C1orf21: variants seen among roughly 807,000 people sequenced by gnomAD.
C1orf21 encodes the protein uncharacterized protein C1orf21.
A neutral mutation model predicts 18.7 loss-of-function variants in C1orf21; 3 were observed. The ratio of observed to expected loss-of-function variants is 0.16; its 90% CI spans 0.07 to 0.42. The LOEUF is 0.42. Ranked by LOEUF, C1orf21 falls within the 10% of genes least tolerant of loss-of-function variation. C1orf21 has a pLI of 0.99. For synonymous variants in C1orf21, 41 were observed against 46.4 expected (o/e 0.88, Z 0.47); for missense variants, 104 against 143.6 (o/e 0.72, Z 1.41).
chr1:184,457,470 TA>T (rs200272323), intron 1 of C1orf21, among the ~76,000 whole-genome samples: 1,627 of 149,708 alleles, frequency 0.011, 27 homozygotes, highest in African/African-American at 0.037. Context: ...AATATATATA[TA>T]TATTTTTACA....
intron 5 of C1orf21, among the ~76,000 whole-genome samples, chr1:184,616,963 A>G (rs1659836294): frequency 6.6e-6 from 1 of 152,310 alleles, no homozygotes; most frequent in South Asian, 2.1e-4. Flanking sequence ...CCTGACACCT[A>G]TCAGATGACA....
At chr1:184,562,028 G>A (rs555763882) in intron 3 of C1orf21, among the ~76,000 whole-genome samples, 3 of 150,922 alleles carry the variant, frequency 2.0e-5, no homozygotes, top group Admixed American at 6.6e-5. Flanking sequence ...TTTTTAGCCC[G>A]TGTACCAGAA....
At chr1:184,560,655 C>T (rs1343138786) in intron 3 of C1orf21, among the ~76,000 whole-genome samples, 2 of 152,164 alleles carry the variant, frequency 1.3e-5, no homozygotes, top group African/African-American at 2.4e-5. Context: ...AGACGATCAG[C>T]TTCCTCCCAG....
intron 3 of C1orf21, among the ~76,000 whole-genome samples, chr1:184,525,056 A>G (rs764300144): frequency 6.6e-6 from 1 of 152,092 alleles, no homozygotes; most frequent in Non-Finnish European, 1.5e-5. Context: ...TCTCTTACAC[A>G]TCATGTTTTT....
chr1:184,514,704 T>G (rs1306178604), intron 3 of C1orf21, among the ~76,000 whole-genome samples: 1 of 152,140 alleles, frequency 6.6e-6, no homozygotes, highest in Admixed American at 6.5e-5. Context: ...ACAGCATTGT[T>G]TATGTTAGTG....
chr1:184,524,746 A>C (rs771815742), intron 3 of C1orf21, among the ~76,000 whole-genome samples: 1 of 152,044 alleles, frequency 6.6e-6, no homozygotes, highest in Admixed American at 6.6e-5. Flanking sequence ...ACGTCATTCA[A>C]CAAATTTCAA....
chr1:184,559,533 T>C (rs374337345), intron 3 of C1orf21, among the ~76,000 whole-genome samples: 246 of 95,100 alleles, frequency 2.6e-3, no homozygotes, highest in East Asian at 6.3e-3. Context: ...CTTCCTTCCT[T>C]CCTTCCTTCC....
chr1:184,463,457 A>G (rs1391401959), intron 1 of C1orf21, among the ~76,000 whole-genome samples: 2 of 152,218 alleles, frequency 1.3e-5, no homozygotes, highest in African/African-American at 2.4e-5. Context: ...TGTAATAATT[A>G]TAAATTTTCA....
intron 1 of C1orf21, among the ~76,000 whole-genome samples, chr1:184,471,082 A>G (rs1478416329): frequency 3.3e-5 from 5 of 152,162 alleles, no homozygotes; most frequent in African/African-American, 9.7e-5. Context: ...GCTCATGTCA[A>G]CATACACAGG....
At chr1:184,558,276 G>T (rs1001282707) in intron 3 of C1orf21, among the ~76,000 whole-genome samples, 1 of 152,098 alleles carries the variant, frequency 6.6e-6, no homozygotes, top group Non-Finnish European at 1.5e-5. Context: ...GTATGTCACA[G>T]AATATAAAAT....
intron 3 of C1orf21, among the ~76,000 whole-genome samples, chr1:184,510,598 T>C (rs952949483): frequency 6.6e-6 from 1 of 152,090 alleles, no homozygotes; most frequent in African/African-American, 2.4e-5. Context: ...AAACATAAGA[T>C]ATATTTAATA....
intron 4 of C1orf21, among the ~76,000 whole-genome samples, chr1:184,593,823 C>T (rs114059898): frequency 7.5e-4 from 114 of 152,210 alleles, no homozygotes; most frequent in African/African-American, 2.5e-3. Flanking sequence ...AGCAGCAATG[C>T]GCAATATTGA....
chr1:184,422,629 G>A (rs1243598921), intron 1 of C1orf21, among the ~76,000 whole-genome samples: 1 of 152,174 alleles, frequency 6.6e-6, no homozygotes, highest in Non-Finnish European at 1.5e-5. Flanking sequence ...TATTTGTAAA[G>A]CCTTGTGAAA....
chr1:184,622,617 CAAAGAAGGTATAAAGTCCAGAGATGAGA>C lies in C1orf21; in HGVS notation c.*3065_*3092del, dbSNP rs900761757. The C allele has an allele frequency of 3.3e-5, 5 of 152,662 alleles. No homozygotes were observed. Among genetic ancestry groups the C allele is most frequent in the African/African-American group, 1.2e-4 (5 of 41,424 alleles). 9.5% of individuals were successfully genotyped at this position (152,662 alleles called of 1,614,324 possible). A position where few individuals can be genotyped will look rare whatever the true frequency, so the allele number is the denominator to read the frequency against. On this transcript the variant is annotated 3_prime_UTR_variant, in exon 6 of 6. Coordinates refer to ENST00000235307, the MANE Select transcript of C1orf21 (RefSeq NM_030806.4). ...AGTGGTGTTGTGGTCTATTTAGGGACAAAGAAGGTATAAAGTCCAGAGATGAGAAAACTGGGTCAGCCCTCAGAAACTG... is the reference window on the plus strand; with the variant it reads ...AGTGGTGTTGTGGTCTATTTAGGGACAAACTGGGTCAGCCCTCAGAAACTG...
chr1:184,452,390 G>A (rs747420205), intron 1 of C1orf21, among the ~76,000 whole-genome samples: 4 of 151,516 alleles, frequency 2.6e-5, no homozygotes, highest in African/African-American at 4.8e-5. Flanking sequence ...GGAGAATCAC[G>A]TCATATCTTA....
Position 184,513,488 on chromosome 1 carries a change from G to A in C1orf21, c.189+5806G>A, listed in dbSNP as rs531825832. Reference sequence around the variant, plus strand: ...AGAGGACACTGGTTGATAAGCGTATGAAAATACGTTCCGTATCACTAGAAC... The same window carrying A: ...AGAGGACACTGGTTGATAAGCGTATAAAAATACGTTCCGTATCACTAGAAC... On this transcript the variant is annotated intron_variant, in intron 3 of 5. Coordinates refer to ENST00000235307, the MANE Select transcript of C1orf21 (RefSeq NM_030806.4). 2.0e-5 allele frequency among the ~76,000 whole-genome samples: 3 copies of A among 152,356 alleles called. No individual in the cohort carries two copies. In the East Asian group the frequency reaches 5.8e-4, roughly 29 times the overall value.
intron 1 of C1orf21, among the ~76,000 whole-genome samples, chr1:184,446,857 T>G (rs1657042953): frequency 6.6e-6 from 1 of 150,866 alleles, no homozygotes. Context: ...CGTGGTTTTT[T>G]TTTTTTTTTT....
At chr1:184,613,173 C>T (rs1659765599) in intron 5 of C1orf21, among the ~76,000 whole-genome samples, 1 of 152,210 alleles carries the variant, frequency 6.6e-6, no homozygotes, top group South Asian at 2.1e-4. Flanking sequence ...TGGTCTCGAA[C>T]TCTTGACCTC....
chr1:184,506,286 A>T (rs1571390386), intron 2 of C1orf21, among the ~76,000 whole-genome samples: 1 of 152,220 alleles, frequency 6.6e-6, no homozygotes, highest in African/African-American at 2.4e-5. Flanking sequence ...TAAGAATGAT[A>T]ATTTTGAGAA....
Sources: gnomAD v4.1 joint callset for allele counts (sites outside exome capture counted in the v4.1 genomes callset) on GRCh38, gnomAD v4.1.1 for gene constraint, MANE v1.5 for transcripts, NCBI Gene and HGNC (gene_info 2026-07-23, HGNC 2026-07-21) for gene names.